The following LRRC72 variants were observed in gnomAD, a reference collection of about 807,000 sequenced individuals.
The protein encoded by LRRC72 is leucine-rich repeat-containing protein 72.
In LRRC72, 41 loss-of-function variants were observed where a neutral mutation model predicts 35.8. That is an observed-to-expected ratio of 1.15 (90% CI 0.89 to 1.49). The LOEUF is 1.49. LRRC72 is among the 40% of genes most tolerant of loss of function. The pLI, the probability that LRRC72 is intolerant of heterozygous loss-of-function variation, is 0.00. For synonymous variants in LRRC72, 118 were observed against 119.2 expected, an observed-to-expected ratio of 0.99 and a Z score of 0.07; for missense variants, 389 against 330.7, an observed-to-expected ratio of 1.18 and a Z score of -1.37.
intron 1 of LRRC72, 115 bp downstream of exon 1, chr7:16,527,157 C>A: frequency 1.3e-6 from 1 of 759,280 alleles, no homozygotes; most frequent in Non-Finnish European, 2.1e-6. Context: ...ATTTCAGTAG[C>A]CTGAAGACGG....
At chr7:16,567,585 T>G in intron 7 of LRRC72, 42 bp downstream of exon 7, 1 of 1,351,306 alleles carries the variant, frequency 7.4e-7, no homozygotes, top group Non-Finnish European at 9.6e-7. Flanking sequence ...TTAATGAAAT[T>G]AAAACTCCTC....
chr7:16,571,625 A>G (rs1782946370), intron 7 of LRRC72, among the ~76,000 whole-genome samples: 1 of 152,154 alleles, frequency 6.6e-6, no homozygotes, highest in Non-Finnish European at 1.5e-5. Context: ...AAGGGAAGCC[A>G]TGAGGGACTG....
intron 2 of LRRC72, among the ~76,000 whole-genome samples, chr7:16,534,599 C>T (rs559647844): frequency 9.2e-5 from 14 of 152,076 alleles, no homozygotes; most frequent in Admixed American, 2.0e-4. Context: ...ACAACTTTCG[C>T]GCCACTGCAC....
At chr7:16,569,421 A>G (rs550417157) in intron 7 of LRRC72, among the ~76,000 whole-genome samples, 25 of 152,164 alleles carry the variant, frequency 1.6e-4, no homozygotes, top group Middle Eastern at 3.4e-3. Flanking sequence ...ATCTTAAAAA[A>G]CAAAAAAACA....
At chr7:16,567,785 A>G (rs546825024) in intron 7 of LRRC72, among the ~76,000 whole-genome samples, 14 of 152,246 alleles carry the variant, frequency 9.2e-5, no homozygotes, top group African/African-American at 1.4e-4. Context: ...TAATAACGAG[A>G]TAATACATTG....
At chr7:16,553,669 T>C (rs1782594894) in intron 3 of LRRC72, among the ~76,000 whole-genome samples, 1 of 152,178 alleles carries the variant, frequency 6.6e-6, no homozygotes, top group Non-Finnish European at 1.5e-5. Context: ...AAGCCAAGGA[T>C]GCTAATGTAC....
intron 5 of LRRC72, among the ~76,000 whole-genome samples, chr7:16,565,820 G>C (rs1010719735): frequency 6.6e-6 from 1 of 152,184 alleles, no homozygotes; most frequent in African/African-American, 2.4e-5. Flanking sequence ...GACACATTCT[G>C]AACTATGAGC....
intron 5 of LRRC72, among the ~76,000 whole-genome samples, chr7:16,563,671 T>C (rs890948457): frequency 1.3e-5 from 2 of 152,206 alleles, no homozygotes; most frequent in African/African-American, 4.8e-5. Context: ...AAATCCAAAA[T>C]GTTAAATGTT....
intron 7 of LRRC72, among the ~76,000 whole-genome samples, chr7:16,579,597 A>G (rs912993990): frequency 7.2e-5 from 11 of 152,256 alleles, no homozygotes; most frequent in African/African-American, 2.6e-4. Flanking sequence ...CTTGTGATCT[A>G]GTATTTGTTT....
chr7:16,580,868 CT>C (rs1331412631), intron 8 of LRRC72, among the ~76,000 whole-genome samples: 1 of 151,920 alleles, frequency 6.6e-6, no homozygotes, highest in African/African-American at 2.4e-5. Flanking sequence ...AGTCATCATT[CT>C]TTTTTTATTT....
intron 3 of LRRC72, among the ~76,000 whole-genome samples, chr7:16,551,837 A>C (rs1326486836): frequency 6.6e-6 from 1 of 152,156 alleles, no homozygotes; most frequent in African/African-American, 2.4e-5. Context: ...TTTCAAGTCC[A>C]AGGAGGGGGT....
intron 3 of LRRC72, among the ~76,000 whole-genome samples, chr7:16,550,985 T>C (rs556594012): frequency 5.9e-4 from 90 of 152,342 alleles, no homozygotes; most frequent in South Asian, 2.1e-3. Flanking sequence ...AGGAACTGAA[T>C]TGTGTCTCCC....
At chr7:16,532,845 A>C in intron 2 of LRRC72, 1 of 463,186 alleles carries the variant, frequency 2.2e-6, no homozygotes, top group East Asian at 4.5e-5. Flanking sequence ...CCTCACTATT[A>C]GGATTGTCAG....
intron 7 of LRRC72, among the ~76,000 whole-genome samples, chr7:16,572,985 C>T (rs899769085): frequency 2.6e-5 from 4 of 152,272 alleles, no homozygotes; most frequent in African/African-American, 9.6e-5. Flanking sequence ...GTGCAAAAAT[C>T]ACAAGCATTC....
At chr7:16,536,528 A>G (rs899040341) in intron 2 of LRRC72, among the ~76,000 whole-genome samples, 2 of 152,224 alleles carry the variant, frequency 1.3e-5, no homozygotes, top group East Asian at 3.9e-4. Flanking sequence ...ATAAATATAT[A>G]AATTAGATAG....
chr7:16,532,949 G>T lies in LRRC72; in HGVS notation c.164+381G>T, dbSNP rs1056033496. The T allele has an allele frequency of 1.7e-5, 4 of 240,098 alleles. No individual in the cohort carries two copies. The South Asian group carries it at 2.2e-4, about 13-fold the overall frequency. The allele number at this position is 240,098 out of a possible 1,614,324, so 14.9% of individuals were successfully genotyped here. A position where few individuals can be genotyped will look rare whatever the true frequency, so the allele number is the denominator to read the frequency against. On this transcript the variant is annotated intron_variant, in intron 2 of 8. Transcript: ENST00000401542. ...AGTTAGTATAAATATGTCCCACATA[G>T]TAGTTGGAAAATTCACTGTTTCCGT...
intron 3 of LRRC72, among the ~76,000 whole-genome samples, chr7:16,556,622 G>A (rs1035961083): frequency 5.3e-5 from 8 of 152,154 alleles, no homozygotes; most frequent in Non-Finnish European, 1.2e-4. Flanking sequence ...AAGGGCAGAG[G>A]ACTAGAGAAG....
chr7:16,578,290 T>C (rs997759960), intron 7 of LRRC72, among the ~76,000 whole-genome samples: 1 of 152,156 alleles, frequency 6.6e-6, no homozygotes, highest in African/African-American at 2.4e-5. Flanking sequence ...CTGGCTAACA[T>C]GGTGAAACCC....
intron 2 of LRRC72, among the ~76,000 whole-genome samples, chr7:16,534,861 G>A (rs957787567): frequency 6.6e-6 from 1 of 152,178 alleles, no homozygotes; most frequent in African/African-American, 2.4e-5. Context: ...TATATACAGT[G>A]AGAGAGGAGA....
Sources: allele counts gnomAD v4.1 joint callset (sites outside exome capture counted in the v4.1 genomes callset), GRCh38; gene constraint gnomAD v4.1.1; transcripts MANE v1.5; gene names NCBI Gene and HGNC (gene_info 2026-07-23, HGNC 2026-07-21).